Variants in HUWE1 observed in about 807,000 individuals in gnomAD.
HUWE1 encodes the protein HECT, UBA and WWE domain containing E3 ubiquitin protein ligase 1, also known as E3 ubiquitin-protein ligase HUWE1.
A neutral mutation model predicts 299.4 loss-of-function variants in HUWE1; 18 were observed. The observed-to-expected ratio is 0.06, with a 90% CI of 0.04 to 0.09. The LOEUF is 0.09. Ranked by LOEUF, HUWE1 falls within the 10% of genes least tolerant of loss-of-function variation. The pLI is 1.00. For synonymous variants in HUWE1, 1,317 were observed against 1,286.1 expected (o/e 1.02, Z -0.51); for missense variants, 1,832 against 3,462.3 (o/e 0.53, Z 11.82).
chrX:53,665,425 G>A (rs2069199735), intron 3 of HUWE1, among the ~76,000 whole-genome samples: 1 of 112,140 alleles, frequency 8.9e-6, no homozygotes, highest in Admixed American at 9.5e-5. Flanking sequence ...CTGCAGTTAT[G>A]CTTAAGCAAG....
chrX:53,658,582 TGACAAAGAAGCAAAGTCAATATA>T (rs2068855935), intron 3 of HUWE1, among the ~76,000 whole-genome samples: 1 of 111,553 alleles, frequency 9.0e-6, no homozygotes, highest in African/African-American at 3.3e-5. Flanking sequence ...CGATGATCTT[TGACAAAGAAGCAAAGTCAATATA>T]ATGGACAAAA....
chrX:53,579,119 G>A (rs1304225718), intron 43 of HUWE1, among the ~76,000 whole-genome samples: 1 of 81,806 alleles, frequency 1.2e-5, no homozygotes, highest in Non-Finnish European at 2.4e-5. Flanking sequence ...GGGAGGTGAG[G>A]GGCGCCTCTG....
intron 83 of HUWE1, 176 bp from the exon 84 acceptor site, chrX:53,533,587 C>G: frequency 2.1e-6 from 1 of 474,452 alleles, no homozygotes; most frequent in Non-Finnish European, 3.8e-6. Flanking sequence ...CCCAAACTGG[C>G]CATCAGGCAC....
intron 3 of HUWE1, 56 bp downstream of exon 3, chrX:53,679,993 T>C (rs782501115): frequency 1.0e-5 from 3 of 294,795 alleles, no homozygotes; most frequent in African/African-American, 5.5e-5. Flanking sequence ...ACCCCTACTA[T>C]CTCCATTCCA....
rs372474257 is a variant in HUWE1, at chrX:53,629,660, C to T, written c.863-44G>A. On this transcript the variant is annotated intron_variant, in intron 12 of 83. Transcript: ENST00000262854. Reference sequence around the variant, plus strand: ...ACACTTTAGGCAAGAAGGCAGTGGTCAAGCCACTGCCCAATAACAAACTTT... The same window carrying T: ...ACACTTTAGGCAAGAAGGCAGTGGTTAAGCCACTGCCCAATAACAAACTTT... 3 of 849,867 alleles carry T rather than the reference C, an allele frequency of 3.5e-6. No homozygotes were observed. In the African/African-American group the frequency reaches 6.0e-5, roughly 17 times the overall value. 70.0% of individuals were successfully genotyped at this position (849,867 alleles called of 1,213,427 possible).
At chrX:53,554,579 A>G (rs2061916448) in intron 61 of HUWE1, 54 bp downstream of exon 61, 1 of 1,127,688 alleles carries the variant, frequency 8.9e-7, no homozygotes, top group African/African-American at 1.8e-5. Flanking sequence ...AGCTACAAAG[A>G]CATCCTTTCT....
Position 53,546,719 on chromosome X carries a change from T to C in HUWE1, c.10743A>G (p.Leu3581=), listed in dbSNP as rs140271733. The change falls in exon 69 of 84, where the codon CTA becomes CTG. Residue 3581 remains leucine, a synonymous_variant. Transcript: ENST00000262854. The part of the protein sequence containing the change: ...MVSSGLTENQ[L]QLSVEVLTSH... ...TTGGACTCACCTCTACAGAGAGCTG[T>C]AGCTGGTTTTCAGTGAGGCCAGAGG... The C allele has an allele frequency of 3.3e-6, 4 of 1,210,087 alleles. No individual in the cohort carries two copies. Among genetic ancestry groups the C allele is most frequent in the Non-Finnish European group, 3.4e-6 (3 of 895,037 alleles).
intron 17 of HUWE1, among the ~76,000 whole-genome samples, chrX:53,626,487 G>A (rs974028752): frequency 1.8e-5 from 2 of 111,385 alleles, no homozygotes; most frequent in Non-Finnish European, 3.8e-5. Context: ...AATGCAAGAT[G>A]AACAGTATGT....
intron 49 of HUWE1, among the ~76,000 whole-genome samples, 154 bp from the exon 50 acceptor site, chrX:53,565,393 A>AT (rs1556944803): frequency 9.0e-6 from 1 of 111,517 alleles, no homozygotes; most frequent in African/African-American, 3.3e-5. Flanking sequence ...GAAAAAAAAA[A>AT]TTTTGACTTA....
At chrX:53,535,003 C>A (rs1387053459) in intron 81 of HUWE1, among the ~76,000 whole-genome samples, 3 of 108,763 alleles carry the variant, frequency 2.8e-5, no homozygotes, top group South Asian at 4.1e-4. Context: ...GTGGTGCGAT[C>A]TCAGCTCACT....
intron 36 of HUWE1, among the ~76,000 whole-genome samples, chrX:53,589,012 A>C (rs1229415257): frequency 2.7e-5 from 3 of 112,773 alleles, no homozygotes; most frequent in Non-Finnish European, 3.7e-5. Flanking sequence ...TCCCTTTTTT[A>C]ATTTCTTTCC....
In HUWE1 at chrX:53,549,340, G is replaced by C. The variant is rs1556926451; in HGVS notation, c.9654C>G (p.Thr3218=). The C allele has an allele frequency of 1.7e-6, 2 of 1,211,791 alleles. No homozygotes were observed. Among genetic ancestry groups the C allele is most frequent in the Admixed American group, 4.3e-5 (2 of 46,070 alleles). The change falls in exon 67 of 84, where the codon ACC becomes ACG. Residue 3218 remains threonine, a synonymous_variant. Transcript: ENST00000262854. ...VLRNLCYHAQ[T]RHWVIRSLLS... is the part of the protein sequence containing the mutation. Reference sequence around the variant, plus strand: ...GCAGACTGCGGATGACCCAGTGGCGGGTCTGGGCATGGTAGCAGAGATTTC... The same window carrying C: ...GCAGACTGCGGATGACCCAGTGGCGCGTCTGGGCATGGTAGCAGAGATTTC...
chrX:53,645,736 A>AAATATATAT (rs2067967606), intron 6 of HUWE1, among the ~76,000 whole-genome samples: 1 of 26,132 alleles, frequency 3.8e-5, no homozygotes, highest in Non-Finnish European at 6.6e-5. Context: ...AAAAAAAAAA[A>AAATATATAT]ATATATATAT....
chrX:53,574,771 G>A (rs1271183703), intron 46 of HUWE1, among the ~76,000 whole-genome samples: 3 of 112,090 alleles, frequency 2.7e-5, no homozygotes, highest in Non-Finnish European at 5.6e-5. Context: ...TTCATGGTGA[G>A]TAGTCAATGG....
chrX:53,583,413 T>C (rs898730540), intron 42 of HUWE1, 145 bp downstream of exon 42: 29 of 483,468 alleles, frequency 6.0e-5, no homozygotes, highest in African/African-American at 5.2e-4. Context: ...AAGCATAGAG[T>C]TGGAAAATTC....
chrX:53,554,869 G>A lies in HUWE1; in HGVS notation c.8258C>T (p.Ala2753Val). The change falls in exon 61 of 84, where the codon GCA (alanine) becomes GTA (valine). Residue 2753 changes from alanine (A) to valine (V), a missense_variant. Transcript: ENST00000262854. ...GGTCTCCTTGGACTCAGATGTAGCT[G>A]CATCAGTTGAAGATGGGGTTGTTGG... ...SYPTTPSSTD[A>V]ATSESKETLG... 2.5e-6 allele frequency: 3 copies of A among 1,199,198 alleles called. No homozygotes were observed. Among genetic ancestry groups the A allele is most frequent in the Non-Finnish European group, 3.4e-6 (3 of 887,727 alleles).
intron 3 of HUWE1, among the ~76,000 whole-genome samples, chrX:53,655,065 G>C (rs1490519367): frequency 2.7e-5 from 3 of 111,266 alleles, no homozygotes; most frequent in African/African-American, 9.8e-5. Flanking sequence ...ATAATCCCTA[G>C]ATCTTTGATG....
chrX:53,672,328 T>C (rs987516060), intron 3 of HUWE1, among the ~76,000 whole-genome samples: 5 of 107,080 alleles, frequency 4.7e-5, no homozygotes, highest in African/African-American at 1.7e-4. Context: ...AGTGGCGTGA[T>C]CTCAGCTCAC....
chrX:53,553,186 C>T, intron 61 of HUWE1, among the ~76,000 whole-genome samples: 3 of 110,413 alleles, frequency 2.7e-5, no homozygotes, highest in Middle Eastern at 4.7e-3. Context: ...CTCTGTTGCC[C>T]AGGCTGGAGT....
Sources: allele counts gnomAD v4.1 joint callset (sites outside exome capture counted in the v4.1 genomes callset), GRCh38; gene constraint gnomAD v4.1.1; transcripts MANE v1.5; gene names NCBI Gene and HGNC (gene_info 2026-07-23, HGNC 2026-07-21).